The following MYLK variants were observed in gnomAD, a reference collection of about 807,000 sequenced individuals.
MYLK encodes the protein myosin light chain kinase, smooth muscle.
MYLK carries 106 observed loss-of-function variants against 203.4 expected under a neutral mutation model. That is an observed-to-expected ratio of 0.52 (90% CI 0.45 to 0.61). The LOEUF is 0.61. Among genes scored for constraint, MYLK ranks in the 20% least tolerant of loss-of-function variants. The pLI is 0.00. For synonymous variants in MYLK, 867 were observed against 959.5 expected, an observed-to-expected ratio of 0.90 and a Z score of 1.78; for missense variants, 2,072 against 2,442.3, an observed-to-expected ratio of 0.85 and a Z score of 3.20.
intron 8 of MYLK, chr3:123,735,666 C>T (rs1247365611): frequency 2.0e-6 from 1 of 499,314 alleles, no homozygotes; most frequent in African/African-American, 1.9e-5. Flanking sequence ...GAATCTGTTT[C>T]TGTTCACTAA....
intron 3 of MYLK, among the ~76,000 whole-genome samples, chr3:123,830,140 A>G (rs1560271801): frequency 1.3e-5 from 2 of 152,186 alleles, no homozygotes. Context: ...TTAAAATAGA[A>G]GGGACTTGCA....
intron 2 of MYLK, among the ~76,000 whole-genome samples, chr3:123,833,416 C>T (rs1437328576): frequency 6.6e-6 from 1 of 152,160 alleles, no homozygotes. Flanking sequence ...CTTGACCCCA[C>T]CTCCAGTGAG....
At chr3:123,838,669 T>C (rs933942835) in intron 2 of MYLK, among the ~76,000 whole-genome samples, 1 of 152,216 alleles carries the variant, frequency 6.6e-6, no homozygotes, top group African/African-American at 2.4e-5. Context: ...CTAAGGTTTT[T>C]ATACCATACG....
intron 4 of MYLK, among the ~76,000 whole-genome samples, chr3:123,776,896 C>A (rs2064098328): frequency 6.6e-6 from 1 of 152,154 alleles, no homozygotes; most frequent in Non-Finnish European, 1.5e-5. Context: ...GCCACTATGC[C>A]CCTGTAGATC....
At chr3:123,871,452 A>G (rs1218284943) in intron 2 of MYLK, among the ~76,000 whole-genome samples, 1 of 152,204 alleles carries the variant, frequency 6.6e-6, no homozygotes, top group Non-Finnish European at 1.5e-5. Flanking sequence ...AGCAAAAGAG[A>G]AGATACAAAC....
intron 5 of MYLK, among the ~76,000 whole-genome samples, chr3:123,740,935 G>T (rs2062837283): frequency 1.3e-5 from 2 of 152,150 alleles, no homozygotes; most frequent in Non-Finnish European, 1.5e-5. Context: ...AGCTGGGAGG[G>T]ACAATTCACA....
chr3:123,851,670 T>C (rs779185296), intron 2 of MYLK, among the ~76,000 whole-genome samples: 5 of 152,204 alleles, frequency 3.3e-5, no homozygotes, highest in Non-Finnish European at 5.9e-5. Context: ...TTTCTACATA[T>C]ACAATCATGT....
rs1381103756 is a variant in MYLK, at chr3:123,613,852, AAGT to A, written c.*250_*252del. On this transcript the variant is annotated 3_prime_UTR_variant, in exon 34 of 34. Coordinates refer to ENST00000360304, the MANE Select transcript of MYLK (RefSeq NM_053025.4). The stretch of plus-strand genomic sequence containing the variant: ...TCTCTCTAAAATCAATTGGTCAGTC[AAGT>A]TACTGGTGATTTCCCTAAATGAAAT... The A allele has an allele frequency of 3.9e-6, 2 of 512,772 alleles. No individual in the cohort carries two copies. The highest frequency in any genetic ancestry group is 1.9e-5 in the African/African-American group (1 of 51,970). The allele number at this position is 512,772 out of a possible 1,614,324, so 31.8% of individuals were successfully genotyped here.
Position 123,701,462 on chromosome 3 carries a change from T to A in MYLK, c.2438A>T (p.Asn813Ile). Residue 813 changes from asparagine (N) to isoleucine (I), a missense_variant, in exon 17 of 34, where the codon AAC (asparagine) becomes ATC (isoleucine). Transcript: ENST00000360304. ...CCGTGGAAGGGCTCTGGCAGAGCTGTTCTGTAGCATCAGTGACACCTGGCA... is the reference window on the plus strand; with the variant it reads ...CCGTGGAAGGGCTCTGGCAGAGCTGATCTGTAGCATCAGTGACACCTGGCA... ...CSCQVSLMLQ[N>I]SSARALPRGR... The A allele has an allele frequency of 1.2e-6, 2 of 1,614,066 alleles. No homozygotes were observed. Among genetic ancestry groups the A allele is most frequent in the Non-Finnish European group, 1.7e-6 (2 of 1,180,010 alleles).
chr3:123,771,424 T>C (rs1418435575), intron 4 of MYLK, among the ~76,000 whole-genome samples: 2 of 152,232 alleles, frequency 1.3e-5, no homozygotes, highest in Non-Finnish European at 2.9e-5. Flanking sequence ...GGTTTGCCTA[T>C]GTCTTATTTC....
Position 123,793,835 on chromosome 3 carries a change from C to T in MYLK, c.7G>A (p.Asp3Asn), listed in dbSNP as rs2064882893. The change falls in exon 4 of 34, where the codon GAT becomes AAT. Residue 3 changes from aspartate (D) to asparagine (N), a missense_variant. Transcript: ENST00000360304. The stretch of plus-strand genomic sequence containing the variant: ...TGTGACGAGGCAACCAGCTTCACAT[C>T]CCCCATGGTCTGCAAAAAGGAAGGA... MG[D>N]VKLVASSHIS... 2 of 1,614,038 alleles carry T rather than the reference C, an allele frequency of 1.2e-6. No homozygotes were observed. The highest frequency in any genetic ancestry group is 8.5e-7 in the Non-Finnish European group (1 of 1,180,020).
chr3:123,843,354 T>C (rs1332714452), intron 2 of MYLK, among the ~76,000 whole-genome samples: 1 of 152,222 alleles, frequency 6.6e-6, no homozygotes, highest in Non-Finnish European at 1.5e-5. Flanking sequence ...CTCACAGGTC[T>C]GTCTGGTTGT....
intron 4 of MYLK, among the ~76,000 whole-genome samples, chr3:123,774,118 G>A (rs984949915): frequency 3.3e-5 from 5 of 152,186 alleles, no homozygotes; most frequent in Admixed American, 6.5e-5. Flanking sequence ...TTTCAATAAG[G>A]CTCCACTTCT....
At chr3:123,685,864 T>C (rs820371) in intron 19 of MYLK, among the ~76,000 whole-genome samples, 82,365 of 152,068 alleles carry the variant, frequency 0.54, 27,899 homozygotes, top group Non-Finnish European at 0.77. Flanking sequence ...GCACTTTATC[T>C]TTCCATCTGG....
chr3:123,688,505 T>C (rs1165570646), intron 19 of MYLK, among the ~76,000 whole-genome samples: 1 of 152,226 alleles, frequency 6.6e-6, no homozygotes, highest in East Asian at 1.9e-4. Context: ...TTGTGCTCCC[T>C]GCTTTCCCTC....
chr3:123,710,029 G>T, intron 13 of MYLK, 136 bp from the exon 14 acceptor site: 2 of 1,165,652 alleles, frequency 1.7e-6, no homozygotes, highest in Non-Finnish European at 2.5e-6. Context: ...GATAAAGAGT[G>T]TTTGGAGTTT....
chr3:123,614,496 T>G lies in MYLK; in HGVS notation c.5501-147A>C, dbSNP rs1328592752. On this transcript the variant is annotated intron_variant, in intron 33 of 33. Coordinates refer to ENST00000360304, the MANE Select transcript of MYLK (RefSeq NM_053025.4). ...TTGGCCTTTATCGACTGTTTTGATA[T>G]CTACATTAGAATATGGACATGTCTT... 7.3e-6 allele frequency: 6 copies of G among 823,754 alleles called. No individual in the cohort carries two copies. In the African/African-American group the frequency reaches 8.5e-5, roughly 12 times the overall value. 51.0% of individuals were successfully genotyped at this position (823,754 alleles called of 1,614,324 possible). A position where few individuals can be genotyped will look rare whatever the true frequency, so the allele number is the denominator to read the frequency against.
intron 2 of MYLK, among the ~76,000 whole-genome samples, chr3:123,836,648 T>C (rs977922980): frequency 6.6e-6 from 1 of 152,208 alleles, no homozygotes; most frequent in Non-Finnish European, 1.5e-5. Flanking sequence ...AAAGCTGTAC[T>C]AAAATTCTCA....
intron 2 of MYLK, among the ~76,000 whole-genome samples, chr3:123,864,605 T>C (rs746800018): frequency 6.6e-6 from 1 of 152,186 alleles, no homozygotes; most frequent in Non-Finnish European, 1.5e-5. Context: ...ACTTGAAAAT[T>C]TTTATAACAA....
Sources: gnomAD v4.1 joint callset for allele counts (sites outside exome capture counted in the v4.1 genomes callset) on GRCh38, gnomAD v4.1.1 for gene constraint, MANE v1.5 for transcripts, NCBI Gene and HGNC (gene_info 2026-07-23, HGNC 2026-07-21) for gene names.